The following TMEM132C variants were observed in gnomAD, a reference collection of about 807,000 sequenced individuals.
TMEM132C encodes the protein protein phosphatase 1, regulatory subunit 152.
TMEM132C carries 29 observed loss-of-function variants against 61.4 expected under a neutral mutation model. That is an observed-to-expected ratio of 0.47 (90% CI 0.35 to 0.64). The LOEUF is 0.64. Among genes scored for constraint, TMEM132C ranks in the 30% least tolerant of loss-of-function variants. TMEM132C has a pLI of 0.00. For synonymous variants in TMEM132C, 656 were observed against 633.1 expected, an observed-to-expected ratio of 1.04 and a Z score of -0.54; for missense variants, 1,408 against 1,476.9, an observed-to-expected ratio of 0.95 and a Z score of 0.76.
intron 4 of TMEM132C, among the ~76,000 whole-genome samples, chr12:128,665,243 A>G (rs774934434): frequency 6.6e-6 from 1 of 150,952 alleles, no homozygotes; most frequent in Admixed American, 6.6e-5. Flanking sequence ...AGGCTCGCAC[A>G]CACATAGGCA....
chr12:128,537,744 A>C (rs1279718926), intron 2 of TMEM132C, among the ~76,000 whole-genome samples: 1 of 152,218 alleles, frequency 6.6e-6, no homozygotes, highest in Non-Finnish European at 1.5e-5. Context: ...TATACATAGG[A>C]TATAATTTCA....
At chr12:128,474,851 T>C (rs980388831) in intron 2 of TMEM132C, among the ~76,000 whole-genome samples, 1 of 152,164 alleles carries the variant, frequency 6.6e-6, no homozygotes, top group Non-Finnish European at 1.5e-5. Flanking sequence ...ACCTGCCCCT[T>C]TCTTAAAAAC....
chr12:128,698,685 T>G (rs1452154343), intron 8 of TMEM132C, among the ~76,000 whole-genome samples: 1 of 152,258 alleles, frequency 6.6e-6, no homozygotes, highest in Non-Finnish European at 1.5e-5. Flanking sequence ...CACAGAGCCT[T>G]GGATGCTCCA....
chr12:128,364,608 AT>A (rs1160949540), intron 1 of TMEM132C, among the ~76,000 whole-genome samples: 1 of 152,010 alleles, frequency 6.6e-6, no homozygotes, highest in Non-Finnish European at 1.5e-5. Flanking sequence ...AAATATTTCC[AT>A]TCAGAAGCCA....
intron 1 of TMEM132C, among the ~76,000 whole-genome samples, chr12:128,380,426 A>G (rs1045265562): frequency 6.6e-6 from 1 of 152,260 alleles, no homozygotes; most frequent in Non-Finnish European, 1.5e-5. Flanking sequence ...CTTGGATGCC[A>G]CTGAGTCACA....
At chr12:128,394,959 A>G (rs189497244) in intron 1 of TMEM132C, among the ~76,000 whole-genome samples, 9 of 149,998 alleles carry the variant, frequency 6.0e-5, no homozygotes, top group African/African-American at 2.2e-4. Flanking sequence ...CATCCCAAAG[A>G]TCTCATCTCC....
chr12:128,276,160 C>G (rs142682625), intron 1 of TMEM132C, among the ~76,000 whole-genome samples: 1 of 152,106 alleles, frequency 6.6e-6, no homozygotes, highest in African/African-American at 2.4e-5. Flanking sequence ...AGTGGACATT[C>G]GCTTTTGAGG....
intron 2 of TMEM132C, among the ~76,000 whole-genome samples, chr12:128,467,274 G>T (rs1418910417): frequency 6.6e-6 from 1 of 152,158 alleles, no homozygotes; most frequent in African/African-American, 2.4e-5. Context: ...TGGCACCCAG[G>T]AACAATGGGA....
chr12:128,340,913 TCTTTCTC>T (rs1565906179), intron 1 of TMEM132C, among the ~76,000 whole-genome samples: 2,566 of 110,002 alleles, frequency 0.023, 70 homozygotes, highest in African/African-American at 0.08. Context: ...TTTCTCTCTC[TCTTTCTC>T]TCTCTCTCTC....
intron 2 of TMEM132C, among the ~76,000 whole-genome samples, chr12:128,488,224 G>A (rs541566116): frequency 1.3e-5 from 2 of 152,208 alleles, no homozygotes; most frequent in African/African-American, 4.8e-5. Context: ...GAACAGTGTG[G>A]ATCATAGAAC....
chr12:128,322,960 AGCATATATTTTCAAGT>A (rs1872383804), intron 1 of TMEM132C, among the ~76,000 whole-genome samples: 1 of 152,238 alleles, frequency 6.6e-6, no homozygotes, highest in Non-Finnish European at 1.5e-5. Context: ...GCATTCATTC[AGCATATATTTTCAAGT>A]GCCTGCCCTG....
At chr12:128,565,443 A>G (rs1331988558) in intron 3 of TMEM132C, among the ~76,000 whole-genome samples, 2 of 152,282 alleles carry the variant, frequency 1.3e-5, no homozygotes, top group Non-Finnish European at 2.9e-5. Context: ...GCAGCAATGC[A>G]TAACTCACAG....
At position 128,425,929 on chromosome 12, in the gene TMEM132C, A is replaced by C. The variant is rs58899524; in HGVS notation, c.974+10309A>C. On this transcript the variant is annotated intron_variant, in intron 2 of 8. Transcript: ENST00000435159. Reference sequence around the variant, plus strand: ...TCCATCTGCAAAGGACCTGTTTCCAAATCAGGTTGCGTTCTGAAGTTCCCC... The same window carrying C: ...TCCATCTGCAAAGGACCTGTTTCCACATCAGGTTGCGTTCTGAAGTTCCCC... 3.1e-3 allele frequency among the ~76,000 whole-genome samples: 473 copies of C among 152,324 alleles called. 2 individuals carry two copies. The highest frequency in any genetic ancestry group is 0.011 in the African/African-American group (465 of 41,568).
At chr12:128,358,826 A>G (rs1451628749) in intron 1 of TMEM132C, among the ~76,000 whole-genome samples, 1 of 152,200 alleles carries the variant, frequency 6.6e-6, no homozygotes, top group Admixed American at 6.5e-5. Flanking sequence ...AAGATATGTG[A>G]AGGAAACCCT....
chr12:128,695,650 T>A (rs975319329), intron 6 of TMEM132C, among the ~76,000 whole-genome samples, 180 bp from the exon 7 acceptor site: 5 of 152,328 alleles, frequency 3.3e-5, no homozygotes, highest in African/African-American at 1.2e-4. Flanking sequence ...ATAAATGTAT[T>A]TGAGAAAGAG....
intron 2 of TMEM132C, among the ~76,000 whole-genome samples, chr12:128,520,356 A>G (rs1872860270): frequency 6.6e-6 from 1 of 152,198 alleles, no homozygotes; most frequent in Non-Finnish European, 1.5e-5. Flanking sequence ...ACTACCCAGG[A>G]CAAAGATTGT....
At chr12:128,284,120 A>G (rs1322495748) in intron 1 of TMEM132C, among the ~76,000 whole-genome samples, 1 of 152,210 alleles carries the variant, frequency 6.6e-6, no homozygotes, top group African/African-American at 2.4e-5. Context: ...AGAGAGGACC[A>G]TGGGCCCATG....
intron 2 of TMEM132C, among the ~76,000 whole-genome samples, chr12:128,461,487 C>T (rs1267057120): frequency 6.6e-6 from 1 of 151,964 alleles, no homozygotes; most frequent in Non-Finnish European, 1.5e-5. Flanking sequence ...GGGACTTGGC[C>T]TGAAGACTGT....
At chr12:128,359,369 G>A (rs1406104166) in intron 1 of TMEM132C, among the ~76,000 whole-genome samples, 1 of 152,116 alleles carries the variant, frequency 6.6e-6, no homozygotes, top group Non-Finnish European at 1.5e-5. Context: ...CATCAGATCT[G>A]GCAAGACTTA....
Sources: gnomAD v4.1 joint callset for allele counts (sites outside exome capture counted in the v4.1 genomes callset) on GRCh38, gnomAD v4.1.1 for gene constraint, MANE v1.5 for transcripts, NCBI Gene and HGNC (gene_info 2026-07-23, HGNC 2026-07-21) for gene names.